The following AMBRA1 variants were observed in gnomAD, a reference collection of about 807,000 sequenced individuals.
AMBRA1 encodes the protein activating molecule in BECN1-regulated autophagy protein 1.
A neutral mutation model predicts 125.4 loss-of-function variants in AMBRA1; 47 were observed. The ratio of observed to expected loss-of-function variants is 0.37; its 90% CI spans 0.30 to 0.48. The LOEUF (loss-of-function observed/expected upper bound fraction) is 0.48, where lower values mean the gene tolerates loss of function less well. AMBRA1 is among the 20% of genes least tolerant of loss of function. The pLI, the probability that AMBRA1 is intolerant of heterozygous loss-of-function variation, is 0.99. For synonymous variants in AMBRA1, 626 were observed against 655.5 expected, an observed-to-expected ratio of 0.95 and a Z score of 0.69; for missense variants, 1,331 against 1,693.4, an observed-to-expected ratio of 0.79 and a Z score of 3.76.
At chr11:46,519,567 G>A (rs1205072931) in intron 7 of AMBRA1, among the ~76,000 whole-genome samples, 1 of 152,164 alleles carries the variant, frequency 6.6e-6, no homozygotes, top group Non-Finnish European at 1.5e-5. Context: ...CTACTGTTAG[G>A]GAATGCTGGC....
chr11:46,461,353 C>T (rs533886114), intron 11 of AMBRA1, among the ~76,000 whole-genome samples: 1 of 152,108 alleles, frequency 6.6e-6, no homozygotes. Flanking sequence ...TGTGGAAGCA[C>T]AAATGCATGT....
intron 7 of AMBRA1, among the ~76,000 whole-genome samples, chr11:46,522,446 C>T (rs1221426515): frequency 1.3e-5 from 2 of 152,060 alleles, no homozygotes; most frequent in Non-Finnish European, 2.9e-5. Context: ...GCTCACAGAC[C>T]ACAGACTTTT....
chr11:46,503,060 C>CAAAAAAAAAA (rs35217088), intron 9 of AMBRA1, among the ~76,000 whole-genome samples: 4 of 31,024 alleles, frequency 1.3e-4, no homozygotes, highest in African/African-American at 3.1e-4. Flanking sequence ...GACTCTGTCT[C>CAAAAAAAAAA]AAAAAAAAAA....
intron 1 of AMBRA1, among the ~76,000 whole-genome samples, chr11:46,576,097 A>G (rs923306436): frequency 2.6e-5 from 4 of 152,192 alleles, no homozygotes; most frequent in Admixed American, 1.3e-4. Context: ...AGGAAGAATC[A>G]TAACAGTAGA....
chr11:46,505,673 A>AG (rs1469806531), intron 9 of AMBRA1, among the ~76,000 whole-genome samples: 10 of 13,738 alleles, frequency 7.3e-4, no homozygotes, highest in African/African-American at 1.7e-3. Context: ...AAGCCAGGGG[A>AG]GGGGGTGGGG....
intron 11 of AMBRA1, among the ~76,000 whole-genome samples, chr11:46,478,639 C>CT (rs1949922381): frequency 8.7e-6 from 1 of 114,948 alleles, no homozygotes; most frequent in Non-Finnish European, 1.8e-5. Flanking sequence ...TTGTTTTTTT[C>CT]TTTTTTCTCT....
rs556388950 is a variant in AMBRA1 at position 46,530,070 on chromosome 11, G to A, written c.2072+11875C>T. Among the ~76,000 whole-genome samples the A allele has an allele frequency of 1.1e-4, 17 of 152,204 alleles. 1 individual carries two copies. The highest frequency in any genetic ancestry group is 2.4e-4 in the Non-Finnish European group (16 of 68,010). On this transcript the variant is annotated intron_variant, in intron 7 of 17. Transcript: ENST00000683756. ...CCCATACACCTGGTGTTACTGTCTT[G>A]GAAAAGCCTCCAAAGCACCCTTTAG...
intron 7 of AMBRA1, among the ~76,000 whole-genome samples, chr11:46,524,509 G>A (rs1951885877): frequency 6.6e-6 from 1 of 152,210 alleles, no homozygotes; most frequent in South Asian, 2.1e-4. Context: ...GCAATTTAGT[G>A]TTTGAGCCTT....
At chr11:46,538,889 T>C (rs1362552572) in intron 7 of AMBRA1, among the ~76,000 whole-genome samples, 1 of 152,130 alleles carries the variant, frequency 6.6e-6, no homozygotes, top group Non-Finnish European at 1.5e-5. Context: ...CATGTGATTA[T>C]TTAAATTACT....
rs548619945 is a variant in AMBRA1 at position 46,524,065 on chromosome 11, A to C, written c.2073-11252T>G. On this transcript the variant is annotated intron_variant, in intron 7 of 17. Transcript: ENST00000683756. ...GTATTTTTAGTAGAGACAGGGTTTC[A>C]CTATGCTGGCCAGGCTGGTCTCGAA... Among the ~76,000 whole-genome samples, 5 of 152,246 alleles carry C rather than the reference A, an allele frequency of 3.3e-5. No individual in the cohort carries two copies. The South Asian group carries it at 1.0e-3, about 32-fold the overall frequency.
chr11:46,410,312 G>C lies in AMBRA1; in HGVS notation c.3173C>G (p.Thr1058Ser). Reference protein sequence around the residue: ...YWDQLNETVFTVHSNSRSSER... With the variant: ...YWDQLNETVFSVHSNSRSSER... Reference sequence around the variant, plus strand: ...GCTGCTCCTGCTGTTGGAATGGACAGTGAAGACCGTCTCGTTCAGCTGGTC... The same window carrying C: ...GCTGCTCCTGCTGTTGGAATGGACACTGAAGACCGTCTCGTTCAGCTGGTC... Residue 1058 changes from threonine (T) to serine (S), a missense_variant, in exon 16 of 18, where the codon ACT (threonine) becomes AGT (serine). Thr to Ser is a moderately conservative substitution (Grantham distance 58). This residue lies in a region of AMBRA1 where 354 missense variants were observed against 532.7 expected (regional missense o/e 0.66). Coordinates refer to ENST00000683756, the MANE Select transcript of AMBRA1 (RefSeq NM_001387011.1). 1 of 1,613,986 alleles carries C rather than the reference G, an allele frequency of 6.2e-7. No homozygotes were observed. The highest frequency in any genetic ancestry group is 8.5e-7 in the Non-Finnish European group (1 of 1,179,892).
chr11:46,513,259 CTCT>C (rs1227476206), intron 7 of AMBRA1, among the ~76,000 whole-genome samples: 2 of 146,482 alleles, frequency 1.4e-5, no homozygotes, highest in South Asian at 2.1e-4. Flanking sequence ...TCTGCCTACG[CTCT>C]TTTTTCTTTT....
intron 11 of AMBRA1, among the ~76,000 whole-genome samples, chr11:46,456,624 T>C (rs1023780456): frequency 6.6e-6 from 1 of 152,218 alleles, no homozygotes; most frequent in African/African-American, 2.4e-5. Flanking sequence ...CTTAAATTGC[T>C]GAGACTCCCG....
intron 14 of AMBRA1, among the ~76,000 whole-genome samples, chr11:46,418,432 G>A (rs1348380489): frequency 6.8e-6 from 1 of 146,754 alleles, no homozygotes; most frequent in African/African-American, 2.5e-5. Context: ...TTAAGTTCTA[G>A]GGTACATGTG....
chr11:46,546,033 C>CA, intron 4 of AMBRA1: 1 of 138,710 alleles, frequency 7.2e-6, no homozygotes, highest in Non-Finnish European at 1.5e-5. Context: ...GTTCCTATTT[C>CA]TTTTTTTTTT....
chr11:46,492,836 TGAG>T (rs1339728448), intron 11 of AMBRA1, among the ~76,000 whole-genome samples: 1 of 152,162 alleles, frequency 6.6e-6, no homozygotes, highest in Non-Finnish European at 1.5e-5. Context: ...GATCACGAAG[TGAG>T]GAGATTGAGA....
intron 9 of AMBRA1, chr11:46,494,947 G>A (rs1012738693): frequency 6.6e-6 from 1 of 152,122 alleles, no homozygotes; most frequent in Admixed American, 6.5e-5. Context: ...TAATTCTTCT[G>A]GCTAGGCCAC....
rs1281292109 is a variant in AMBRA1, at chr11:46,544,082, GATT to G, written c.552-44_552-42del. 4.6e-6 allele frequency: 7 copies of G among 1,516,990 alleles called. No homozygotes were observed. In the South Asian group the frequency reaches 6.9e-5, roughly 15 times the overall value. The allele number at this position is 1,516,990 out of a possible 1,614,324, so 94.0% of individuals were successfully genotyped here. A position where few individuals can be genotyped will look rare whatever the true frequency, so the allele number is the denominator to read the frequency against. The stretch of plus-strand genomic sequence containing the variant: ...AAAGAGACAAAGACACACATAGAGA[GATT>G]ATGTTAACTGAGAAGAGGAAACTTG... On this transcript the variant is annotated intron_variant, in intron 5 of 17. Transcript: ENST00000683756.
intron 1 of AMBRA1, among the ~76,000 whole-genome samples, chr11:46,583,966 G>A (rs1399030246): frequency 4.9e-5 from 7 of 142,258 alleles, no homozygotes; most frequent in African/African-American, 1.3e-4. Context: ...TCAGTGTGGC[G>A]ATTCCTCAGG....
Sources: allele counts gnomAD v4.1 joint callset (sites outside exome capture counted in the v4.1 genomes callset), GRCh38; gene constraint gnomAD v4.1.1; regional missense constraint gnomAD v4.1.1; transcripts MANE v1.5; gene names NCBI Gene and HGNC (gene_info 2026-07-23, HGNC 2026-07-21).